Variants in LRP6 observed in about 807,000 individuals in gnomAD.
LRP6 encodes the protein low-density lipoprotein receptor-related protein 6.
In LRP6, 43 loss-of-function variants were observed where a neutral mutation model predicts 184.1. The ratio of observed to expected loss-of-function variants is 0.23; its 90% CI spans 0.18 to 0.30. LRP6 has a LOEUF of 0.30. Ranked by LOEUF, LRP6 falls within the 10% of genes least tolerant of loss-of-function variation. LRP6 has a pLI of 1.00. For missense variants in LRP6, 1,571 were observed against 2,005.3 expected, an observed-to-expected ratio of 0.78 and a Z score of 4.14; for synonymous variants, 719 against 684.9, an observed-to-expected ratio of 1.05 and a Z score of -0.78.
At chr12:12,199,320 T>C (rs1031945913) in intron 3 of LRP6, among the ~76,000 whole-genome samples, 24 of 152,090 alleles carry the variant, frequency 1.6e-4, no homozygotes, top group African/African-American at 5.5e-4. Flanking sequence ...AAACACTCTA[T>C]AGCATGTGTC....
chr12:12,177,896 A>G lies in LRP6; in HGVS notation c.1545+1914T>C, dbSNP rs190462136. On this transcript the variant is annotated intron_variant, in intron 7 of 22. Coordinates refer to ENST00000261349, the MANE Select transcript of LRP6 (RefSeq NM_002336.3). ...ATTAAAAGAACGAATGAATGAAGGA[A>G]CAAATGAACGAATGAACGAATGAAT... Among the ~76,000 whole-genome samples, 28 of 151,644 alleles carry G rather than the reference A, an allele frequency of 1.8e-4. No individual in the cohort carries two copies. In the East Asian group the frequency reaches 5.4e-3, roughly 29 times the overall value.
intron 5 of LRP6, among the ~76,000 whole-genome samples, chr12:12,182,672 T>C (rs1359658537): frequency 6.6e-6 from 1 of 152,212 alleles, no homozygotes; most frequent in Non-Finnish European, 1.5e-5. Flanking sequence ...TAATTATAAA[T>C]GAATTCCAAC....
intron 3 of LRP6, among the ~76,000 whole-genome samples, chr12:12,198,026 C>A (rs985416539): frequency 6.6e-6 from 1 of 152,238 alleles, no homozygotes; most frequent in Non-Finnish European, 1.5e-5. Context: ...TCAAGCAATT[C>A]TCCTGCCTTA....
At chr12:12,240,685 A>T (rs1305637917) in intron 2 of LRP6, among the ~76,000 whole-genome samples, 3 of 151,686 alleles carry the variant, frequency 2.0e-5, no homozygotes, top group African/African-American at 4.8e-5. Context: ...TTAACTTTAT[A>T]AAAAAAATCT....
At chr12:12,158,718 A>ACCC in intron 12 of LRP6, 111 bp downstream of exon 12, 1 of 1,043,210 alleles carries the variant, frequency 9.6e-7, no homozygotes, top group Non-Finnish European at 1.5e-6. Flanking sequence ...CAAACAAATA[A>ACCC]CCCCCTCTGG....
chr12:12,234,928 T>C (rs773687368), intron 2 of LRP6, among the ~76,000 whole-genome samples: 2 of 151,040 alleles, frequency 1.3e-5, no homozygotes, highest in Non-Finnish European at 3.0e-5. Flanking sequence ...CATAAACAAA[T>C]TCACAAGAAA....
intron 3 of LRP6, among the ~76,000 whole-genome samples, chr12:12,202,590 C>G (rs1000674434): frequency 1.3e-5 from 2 of 152,114 alleles, no homozygotes; most frequent in Admixed American, 1.3e-4. Context: ...AACAGTCATG[C>G]CTATTCCCTT....
chr12:12,262,366 G>A (rs561505220), intron 1 of LRP6, among the ~76,000 whole-genome samples: 3 of 152,052 alleles, frequency 2.0e-5, no homozygotes, highest in African/African-American at 7.2e-5. Context: ...GCGACAGGGT[G>A]AGATACCGTC....
chr12:12,151,873 G>C (rs1003514496), intron 12 of LRP6, among the ~76,000 whole-genome samples: 1 of 152,248 alleles, frequency 6.6e-6, no homozygotes, highest in African/African-American at 2.4e-5. Context: ...ATTACCAGTA[G>C]TGGCAGTAAT....
intron 1 of LRP6, among the ~76,000 whole-genome samples, chr12:12,265,484 C>T (rs916627097): frequency 7.9e-5 from 12 of 152,144 alleles, no homozygotes; most frequent in Non-Finnish European, 1.5e-4. Flanking sequence ...CTGTCACAGA[C>T]TATTAGTTAC....
At chr12:12,244,688 A>C (rs773708212) in intron 1 of LRP6, 33 bp from the exon 2 acceptor site, 1 of 1,608,676 alleles carries the variant, frequency 6.2e-7, no homozygotes, top group Non-Finnish European at 8.5e-7. Context: ...TGTAAGTGAA[A>C]AGGAAGAAAA....
chr12:12,241,002 A>G (rs1190794148), intron 2 of LRP6, among the ~76,000 whole-genome samples: 1 of 152,232 alleles, frequency 6.6e-6, no homozygotes, highest in Non-Finnish European at 1.5e-5. Context: ...ATCTCAGACT[A>G]ATATAATAGA....
At chr12:12,187,243 C>T in intron 3 of LRP6, 124 bp from the exon 4 acceptor site, 1 of 763,958 alleles carries the variant, frequency 1.3e-6, no homozygotes, top group South Asian at 1.5e-5. Flanking sequence ...GTAATACATA[C>T]CAATAGGTCA....
chr12:12,201,989 T>C (rs1049723553), intron 3 of LRP6, among the ~76,000 whole-genome samples: 2 of 152,234 alleles, frequency 1.3e-5, no homozygotes, highest in East Asian at 1.9e-4. Flanking sequence ...TTATTATACT[T>C]TGAAAAAATC....
At chr12:12,139,588 G>C (rs914751646) in intron 15 of LRP6, among the ~76,000 whole-genome samples, 2 of 152,124 alleles carry the variant, frequency 1.3e-5, no homozygotes, top group African/African-American at 4.8e-5. Flanking sequence ...GCCAGGCATG[G>C]TGGCATGCGC....
At chr12:12,166,243 T>C (rs1862875493) in intron 7 of LRP6, among the ~76,000 whole-genome samples, 2 of 152,180 alleles carry the variant, frequency 1.3e-5, no homozygotes, top group Admixed American at 6.5e-5. Context: ...ACTTGAACAC[T>C]GGGACTCTGG....
chr12:12,174,926 T>C (rs1863132495), intron 7 of LRP6, among the ~76,000 whole-genome samples: 1 of 152,200 alleles, frequency 6.6e-6, no homozygotes, highest in Admixed American at 6.5e-5. Flanking sequence ...CTATGGACAT[T>C]GTATCCTCTT....
chr12:12,142,715 C>T (rs1949952136), intron 15 of LRP6, among the ~76,000 whole-genome samples: 1 of 151,924 alleles, frequency 6.6e-6, no homozygotes, highest in East Asian at 1.9e-4. Flanking sequence ...TAAAAAAAAT[C>T]TCAAAACATT....
At chr12:12,197,066 A>G (rs1322498240) in intron 3 of LRP6, among the ~76,000 whole-genome samples, 4 of 152,240 alleles carry the variant, frequency 2.6e-5, no homozygotes, top group African/African-American at 7.2e-5. Flanking sequence ...GTATTTACCA[A>G]TGTTCAAGGT....
Sources: allele counts gnomAD v4.1 joint callset (sites outside exome capture counted in the v4.1 genomes callset), GRCh38; gene constraint gnomAD v4.1.1; transcripts MANE v1.5; gene names NCBI Gene and HGNC (gene_info 2026-07-23, HGNC 2026-07-21).